CDKL4: variants seen among roughly 807,000 people sequenced by gnomAD.
The protein encoded by CDKL4 is cyclin dependent kinase like 4.
Under a neutral mutation model 42.0 loss-of-function variants are expected in CDKL4, and 44 were observed. That is an observed-to-expected ratio of 1.05 (90% CI 0.82 to 1.35). The LOEUF is 1.35. CDKL4 is among the 40% of genes most tolerant of loss of function. The probability of loss-of-function intolerance (pLI) is 0.00; values close to 1 mark genes in which losing one functional copy is unlikely to be tolerated. For synonymous variants in CDKL4, 120 were observed against 121.6 expected, an observed-to-expected ratio of 0.99 and a Z score of 0.09; for missense variants, 393 against 369.9, an observed-to-expected ratio of 1.06 and a Z score of -0.51.
downstream of CDKL4, chr2:39,175,601 CACAA>C (rs1338214655): frequency 1.8e-5 from 3 of 164,788 alleles, no homozygotes; most frequent in Non-Finnish European, 2.7e-5. Flanking sequence ...TCATTTCTTA[CACAA>C]ACAGTGAGGC....
At chr2:39,240,789 C>T (rs951294331) in intron 1 of CDKL4, among the ~76,000 whole-genome samples, 1 of 151,680 alleles carries the variant, frequency 6.6e-6, no homozygotes, top group Non-Finnish European at 1.5e-5. Context: ...CAGGAAATTT[C>T]TAGAAAAGAC....
chr2:39,204,441 TA>T, intron 5 of CDKL4, 85 bp downstream of exon 5: 1 of 797,150 alleles, frequency 1.3e-6, no homozygotes, highest in South Asian at 1.5e-5. Flanking sequence ...ATATTTGGCA[TA>T]TGTCCAATAT....
chr2:39,247,094 G>A (rs980083620), upstream of CDKL4, among the ~76,000 whole-genome samples: 1 of 152,142 alleles, frequency 6.6e-6, no homozygotes, highest in South Asian at 2.1e-4. Flanking sequence ...TCATCCAAGT[G>A]TGCTCCTTGG....
intron 8 of CDKL4, among the ~76,000 whole-genome samples, chr2:39,184,215 C>T (rs1382708659): frequency 6.6e-6 from 1 of 152,196 alleles, no homozygotes; most frequent in Non-Finnish European, 1.5e-5. Flanking sequence ...TTTTGGTATA[C>T]ACAATGTATG....
intron 8 of CDKL4, among the ~76,000 whole-genome samples, chr2:39,184,096 C>T (rs1404115776): frequency 6.6e-6 from 1 of 152,174 alleles, no homozygotes; most frequent in East Asian, 1.9e-4. Flanking sequence ...AGTTCCCAGG[C>T]CATTCTGATG....
chr2:39,229,677 G>A, intron 1 of CDKL4, 89 bp from the exon 2 acceptor site: 1 of 516,820 alleles, frequency 1.9e-6, no homozygotes, highest in Non-Finnish European at 3.3e-6. Context: ...ACATGCCAAA[G>A]GTTTATATTC....
At chr2:39,179,391 G>T in intron 8 of CDKL4, 70 bp from the exon 9 acceptor site, 3 of 1,222,964 alleles carry the variant, frequency 2.5e-6, no homozygotes, top group South Asian at 1.7e-5. Flanking sequence ...CCCACAAACT[G>T]AATAACTTGC....
exon 6 of CDKL4, chr2:39,190,391 C>T: frequency 6.2e-7 from 1 of 1,614,110 alleles, no homozygotes; most frequent in Non-Finnish European, 8.5e-7. Context: ...TGCAAAAACA[C>T]AACCAATAGC....
At chr2:39,177,371 C>T (rs1424382132) in intron 9 of CDKL4, among the ~76,000 whole-genome samples, 3 of 151,708 alleles carry the variant, frequency 2.0e-5, no homozygotes, top group Non-Finnish European at 2.9e-5. Flanking sequence ...ACTGTGGACC[C>T]TCCCAGGCCA....
chr2:39,212,636 G>A (rs1412429486), intron 4 of CDKL4, among the ~76,000 whole-genome samples: 2 of 151,878 alleles, frequency 1.3e-5, no homozygotes, highest in African/African-American at 2.4e-5. Context: ...GTACCATGGG[G>A]GATTACATCA....
intron 8 of CDKL4, among the ~76,000 whole-genome samples, chr2:39,183,540 C>T (rs958341289): frequency 6.6e-6 from 1 of 152,108 alleles, no homozygotes; most frequent in African/African-American, 2.4e-5. Flanking sequence ...TTTTCATGCC[C>T]CAGAGTTGCT....
chr2:39,239,659 T>C (rs1020824615), intron 1 of CDKL4, among the ~76,000 whole-genome samples: 1 of 152,206 alleles, frequency 6.6e-6, no homozygotes, highest in Admixed American at 6.5e-5. Flanking sequence ...TAGCATTACA[T>C]ACACATTAGA....
downstream of CDKL4, among the ~76,000 whole-genome samples, chr2:39,171,975 C>A (rs548684957): frequency 3.9e-5 from 6 of 152,220 alleles, no homozygotes; most frequent in African/African-American, 1.2e-4. Flanking sequence ...AAGTAGGATT[C>A]TATGAAGAGT....
chr2:39,179,556 G>A (rs1002221908), intron 8 of CDKL4, among the ~76,000 whole-genome samples: 3 of 152,268 alleles, frequency 2.0e-5, no homozygotes, highest in African/African-American at 4.8e-5. Flanking sequence ...GAGGCCACCT[G>A]TAGATCTGGT....
At chr2:39,204,214 G>C (rs1677028204) in intron 5 of CDKL4, among the ~76,000 whole-genome samples, 1 of 151,990 alleles carries the variant, frequency 6.6e-6, no homozygotes, top group African/African-American at 2.4e-5. Context: ...GTACTTTATT[G>C]CCAATCATCT....
At chr2:39,213,835 G>C (rs1392728012) in intron 3 of CDKL4, among the ~76,000 whole-genome samples, 1 of 152,128 alleles carries the variant, frequency 6.6e-6, no homozygotes, top group Admixed American at 6.6e-5. Context: ...ATAACTTCTG[G>C]TGGCTCTCTT....
chr2:39,199,281 T>A (rs1676704419), intron 5 of CDKL4, among the ~76,000 whole-genome samples: 1 of 151,978 alleles, frequency 6.6e-6, no homozygotes, highest in Non-Finnish European at 1.5e-5. Context: ...CTCTCCTAGA[T>A]TAAACCAGGA....
chr2:39,239,191 T>C lies in CDKL4; in HGVS notation c.-57+4680A>G, dbSNP rs11897365. On this transcript the variant is annotated intron_variant, in intron 1 of 9. Transcript: ENST00000451199. ...CAGTAGACAGACACCTCACACAATA[T>C]AGCAAAATTAACTCAAAATGGACAA... Among the ~76,000 whole-genome samples the C allele has an allele frequency of 8.7e-3, 1,313 of 151,456 alleles. 21 individuals carry two copies. Among genetic ancestry groups the C allele is most frequent in the African/African-American group, 0.03 (1,224 of 41,216 alleles).
At chr2:39,210,905 A>G (rs953165669) in intron 4 of CDKL4, among the ~76,000 whole-genome samples, 2 of 152,226 alleles carry the variant, frequency 1.3e-5, no homozygotes, top group East Asian at 3.9e-4. Flanking sequence ...ACCTAATAAA[A>G]ACTTCACTGA....
Sources: gnomAD v4.1 joint callset for allele counts (sites outside exome capture counted in the v4.1 genomes callset) on GRCh38, gnomAD v4.1.1 for gene constraint, MANE v1.5 for transcripts, NCBI Gene and HGNC (gene_info 2026-07-23, HGNC 2026-07-21) for gene names.